TBC1D1: variants seen among roughly 807,000 people sequenced by gnomAD.
The protein encoded by TBC1D1 is TBC1 domain family member 1, also known as TBC1 (tre-2/USP6, BUB2, cdc16) domain family, member 1.
TBC1D1 carries 89 observed loss-of-function variants against 125.6 expected under a neutral mutation model. The observed-to-expected ratio is 0.71, with a 90% confidence interval of 0.60 to 0.85. The LOEUF (loss-of-function observed/expected upper bound fraction) is 0.85. Ranked by LOEUF, TBC1D1 falls within the 40% of genes least tolerant of loss-of-function variation. The pLI, the probability that TBC1D1 is intolerant of heterozygous loss-of-function variation, is 0.00. For synonymous variants in TBC1D1, 565 were observed against 564.1 expected (o/e 1.00, Z -0.02); for missense variants, 1,377 against 1,469.2 (o/e 0.94, Z 1.03).
chr4:37,912,842 A>G (rs868861856), intron 2 of TBC1D1, among the ~76,000 whole-genome samples: 1 of 152,222 alleles, frequency 6.6e-6, no homozygotes, highest in African/African-American at 2.4e-5. Context: ...AACTGTGAGA[A>G]ATAAATTTCT....
At chr4:38,054,827 G>T (rs1028385472) in intron 12 of TBC1D1, among the ~76,000 whole-genome samples, 15 of 152,114 alleles carry the variant, frequency 9.9e-5, no homozygotes, top group African/African-American at 3.6e-4. Context: ...CATACTTCCG[G>T]GGTCTTGCGT....
chr4:38,040,892 C>T (rs1363159638), intron 8 of TBC1D1, among the ~76,000 whole-genome samples: 4 of 152,178 alleles, frequency 2.6e-5, no homozygotes, highest in East Asian at 3.8e-4. Flanking sequence ...TTACCTTAGG[C>T]GTGTATTTCC....
Position 38,014,914 on chromosome 4 carries a change from A to C in TBC1D1, c.823A>C (p.Ser275Arg). ...GAGCGACATTGAGAACCACCTCATT[A>C]GCGGACACAATATTGTGCAGCCCAC... Residue 275 changes from serine to arginine, a missense_variant, in exon 3 of 20, where the codon AGC becomes CGC. Physicochemically the swap from Ser to Arg is moderately radical, Grantham distance 110 (BLOSUM62 -1). Transcript: ENST00000261439. This position sits in a 1 kb window ranked among gnomAD's most constrained non-coding sequence, Gnocchi z 5.1. 6.3e-7 allele frequency: 1 copy of C among 1,593,994 alleles called. No individual in the cohort carries two copies. The highest frequency in any genetic ancestry group is 8.6e-7 in the Non-Finnish European group (1 of 1,166,736).
chr4:38,060,942 C>T (rs529684466), intron 12 of TBC1D1, among the ~76,000 whole-genome samples: 1 of 152,252 alleles, frequency 6.6e-6, no homozygotes, highest in South Asian at 2.1e-4. Flanking sequence ...TTGATGCATC[C>T]TAGGTTAGGC....
intron 15 of TBC1D1, among the ~76,000 whole-genome samples, chr4:38,104,056 A>T (rs1182934914): frequency 6.7e-6 from 1 of 149,236 alleles, no homozygotes; most frequent in Non-Finnish European, 1.5e-5. Flanking sequence ...GCTACGCAGG[A>T]GGCCGAGGCA....
intron 4 of TBC1D1, among the ~76,000 whole-genome samples, chr4:38,020,270 T>C (rs2152434770): frequency 6.6e-6 from 1 of 152,276 alleles, no homozygotes; most frequent in Non-Finnish European, 1.5e-5. Context: ...GTGGATTACC[T>C]GAGGTCAGGA....
intron 6 of TBC1D1, among the ~76,000 whole-genome samples, chr4:38,025,738 CTTAT>C (rs1460633443): frequency 2.0e-5 from 3 of 152,152 alleles, no homozygotes; most frequent in Admixed American, 6.5e-5. Context: ...TGACTTAGTG[CTTAT>C]TTGATTCATA....
intron 2 of TBC1D1, among the ~76,000 whole-genome samples, chr4:37,990,777 A>G (rs1018854285): frequency 8.5e-5 from 13 of 152,314 alleles, no homozygotes; most frequent in East Asian, 5.8e-4. Flanking sequence ...ATTTTTGTCA[A>G]TTCTCTAGTG....
intron 1 of TBC1D1, among the ~76,000 whole-genome samples, chr4:37,900,413 T>A (rs935086789): frequency 1.0e-4 from 10 of 95,624 alleles, no homozygotes; most frequent in Non-Finnish European, 2.5e-4. Flanking sequence ...ATATCTTTTT[T>A]TTTTTTTTTC....
chr4:38,041,111 G>A lies in TBC1D1; in HGVS notation c.1414-3251G>A, dbSNP rs565657053. On this transcript the variant is annotated intron_variant, in intron 8 of 19. Transcript: ENST00000261439. ...GGATAATTGGACAAAGCTGAATGTCGCTTTTATGAGAATCCATTCTTTCTC... is the reference window on the plus strand; with the variant it reads ...GGATAATTGGACAAAGCTGAATGTCACTTTTATGAGAATCCATTCTTTCTC... Among the ~76,000 whole-genome samples the A allele has an allele frequency of 9.9e-5, 15 of 152,262 alleles. No homozygotes were observed. The South Asian group carries it at 1.2e-3, about 13-fold the overall frequency.
chr4:37,961,255 C>G, intron 2 of TBC1D1: 1 of 603,572 alleles, frequency 1.7e-6, no homozygotes, highest in Non-Finnish European at 2.8e-6. Context: ...AAACAGGAGA[C>G]AGGAAATAGC....
chr4:38,094,552 C>G (rs1460673494), intron 13 of TBC1D1, among the ~76,000 whole-genome samples: 1 of 152,178 alleles, frequency 6.6e-6, no homozygotes, highest in Non-Finnish European at 1.5e-5. Flanking sequence ...TTGGAGGCCA[C>G]TGATTTTAGG....
chr4:38,110,381 T>C (rs1762006765), intron 15 of TBC1D1: 1 of 985,274 alleles, frequency 1.0e-6, no homozygotes, highest in African/African-American at 1.7e-5. Flanking sequence ...ATGATCCTAA[T>C]AGGATTCCTG....
chr4:38,044,988 G>C (rs887904812), intron 9 of TBC1D1, among the ~76,000 whole-genome samples: 1 of 152,202 alleles, frequency 6.6e-6, no homozygotes, highest in Non-Finnish European at 1.5e-5. Flanking sequence ...GTTATCTAAG[G>C]CTTCTTTTTT....
chr4:38,034,072 C>G (rs574766314), intron 7 of TBC1D1, among the ~76,000 whole-genome samples: 6 of 152,320 alleles, frequency 3.9e-5, no homozygotes, highest in East Asian at 1.9e-4. Context: ...TTACAAGAAA[C>G]TGCTGGCCTG....
chr4:37,907,041 G>A (rs1047245062), intron 2 of TBC1D1, among the ~76,000 whole-genome samples: 4 of 152,282 alleles, frequency 2.6e-5, no homozygotes, highest in Admixed American at 2.0e-4. Context: ...GAATAACTAT[G>A]TCTTCCAAAA....
In TBC1D1 at chr4:37,995,445, C is replaced by T; in HGVS notation, c.418-19064C>T. 1.0e-5 allele frequency: 2 copies of T among 198,558 alleles called. No individual in the cohort carries two copies. Among genetic ancestry groups the T allele is most frequent in the Non-Finnish European group, 2.1e-5 (2 of 95,210 alleles). The allele number at this position is 198,558 out of a possible 1,614,324, so 12.3% of individuals were successfully genotyped here. On this transcript the variant is annotated intron_variant, in intron 2 of 19. Transcript: ENST00000261439. This position sits in a 1 kb window ranked among gnomAD's most constrained non-coding sequence, Gnocchi z 4.3. ...AGGATACAACCTGAGGTTTCTTTCC[C>T]CGCCCCCTCACAAAGTATAGATCAT...
chr4:38,066,082 A>G (rs1412650399), intron 12 of TBC1D1, among the ~76,000 whole-genome samples: 2 of 152,202 alleles, frequency 1.3e-5, no homozygotes, highest in Non-Finnish European at 2.9e-5. Context: ...TAATCACAGT[A>G]ATGAACCGTT....
At chr4:38,087,855 AAAAAAAAG>A (rs1244745928) in intron 12 of TBC1D1, among the ~76,000 whole-genome samples, 3 of 130,640 alleles carry the variant, frequency 2.3e-5, no homozygotes, top group African/African-American at 9.1e-5. Context: ...CAAAAAAAAA[AAAAAAAAG>A]AAAAAAAAAA....
Sources: allele counts gnomAD v4.1 joint callset (sites outside exome capture counted in the v4.1 genomes callset), GRCh38; gene constraint gnomAD v4.1.1; non-coding constraint Gnocchi (gnomAD v3.1); transcripts MANE v1.5; gene names NCBI Gene and HGNC (gene_info 2026-07-23, HGNC 2026-07-21).